The following NRXN3 variants were observed in gnomAD, a reference collection of about 807,000 sequenced individuals.
NRXN3 encodes neurexin III.
Under a neutral mutation model 137.6 loss-of-function variants are expected in NRXN3, and 32 were observed. The observed-to-expected ratio is 0.23, with a 90% CI of 0.18 to 0.31. The LOEUF (loss-of-function observed/expected upper bound fraction) is 0.31, where lower values mean the gene tolerates loss of function less well. NRXN3 is among the 10% of genes least tolerant of loss of function. The pLI, the probability that NRXN3 is intolerant of heterozygous loss-of-function variation, is 1.00. For synonymous variants in NRXN3, 798 were observed against 784.5 expected (o/e 1.02, Z -0.29); for missense variants, 1,574 against 2,062.5 (o/e 0.76, Z 4.59).
Position 78,434,625 on chromosome 14 carries a change from G to A in NRXN3, c.757+136765G>A, listed in dbSNP as rs141092358. 4.6e-3 allele frequency among the ~76,000 whole-genome samples: 704 copies of A among 152,274 alleles called. 5 individuals carry two copies. The highest frequency in any genetic ancestry group is 6.4e-3 in the African/African-American group (268 of 41,556). On this transcript the variant is annotated intron_variant, in intron 4 of 20. Coordinates refer to ENST00000335750, the MANE Select transcript of NRXN3 (RefSeq NM_001330195.2). ...TCAAAAGGGAGGGATTTGGACAAAG[G>A]TGAGGGTCATTGGAGGTCATTCTTA...
intron 4 of NRXN3, among the ~76,000 whole-genome samples, chr14:78,335,687 T>C (rs1204533051): frequency 6.6e-6 from 1 of 152,162 alleles, no homozygotes. Context: ...TTTAGTTTGC[T>C]GAGCATAAAG....
intron 15 of NRXN3, among the ~76,000 whole-genome samples, chr14:79,314,324 G>T (rs2087856532): frequency 1.1e-5 from 1 of 93,632 alleles, no homozygotes; most frequent in Non-Finnish European, 2.1e-5. Context: ...GGAAAATCGG[G>T]TCACTCCCAC....
At chr14:79,156,510 CA>C (rs1457131556) in intron 15 of NRXN3, among the ~76,000 whole-genome samples, 1 of 151,006 alleles carries the variant, frequency 6.6e-6, no homozygotes, top group Non-Finnish European at 1.5e-5. Context: ...AACAAATAAA[CA>C]AAAATAAACA....
At chr14:78,936,887 A>G (rs2152892846) in intron 10 of NRXN3, among the ~76,000 whole-genome samples, 1 of 152,212 alleles carries the variant, frequency 6.6e-6, no homozygotes. Context: ...AAGATGTAGG[A>G]TGGCTGGACT....
intron 15 of NRXN3, among the ~76,000 whole-genome samples, chr14:79,074,053 A>T (rs914607305): frequency 6.6e-6 from 1 of 152,226 alleles, no homozygotes; most frequent in Non-Finnish European, 1.5e-5. Flanking sequence ...CATTGTTCAC[A>T]TTATCTAACA....
chr14:78,320,357 C>A (rs953588516), intron 4 of NRXN3, among the ~76,000 whole-genome samples: 1 of 152,196 alleles, frequency 6.6e-6, no homozygotes, highest in Admixed American at 6.5e-5. Flanking sequence ...TTATTTATTT[C>A]ATCACTGGGG....
intron 15 of NRXN3, among the ~76,000 whole-genome samples, chr14:79,410,356 G>T (rs1185091581): frequency 6.6e-6 from 1 of 151,896 alleles, no homozygotes; most frequent in Non-Finnish European, 1.5e-5. Flanking sequence ...ACTCCATGAA[G>T]AACTGAATCA....
intron 4 of NRXN3, among the ~76,000 whole-genome samples, chr14:78,343,809 A>G (rs2082400426): frequency 6.6e-6 from 1 of 152,312 alleles, no homozygotes; most frequent in South Asian, 2.1e-4. Flanking sequence ...AAGTCTCCCA[A>G]CCAATTAATC....
intron 20 of NRXN3, among the ~76,000 whole-genome samples, chr14:79,815,486 A>G (rs916782880): frequency 6.6e-6 from 1 of 152,104 alleles, no homozygotes. Flanking sequence ...GGGTAAGGGG[A>G]AAAAGGCCAA....
intron 15 of NRXN3, among the ~76,000 whole-genome samples, chr14:79,288,234 G>A (rs966600104): frequency 6.6e-6 from 1 of 152,206 alleles, no homozygotes; most frequent in African/African-American, 2.4e-5. Context: ...GTGCAGTCAC[G>A]CTGAGATGGG....
rs75528009 is a variant in NRXN3, at chr14:78,264,997, A to G, written c.710-13648A>G. Among the ~76,000 whole-genome samples, 1,088 of 152,344 alleles carry G rather than the reference A, an allele frequency of 7.1e-3. 13 individuals carry two copies. Among genetic ancestry groups the G allele is most frequent in the African/African-American group, 0.025 (1,033 of 41,572 alleles). On this transcript the variant is annotated intron_variant, in intron 2 of 20. Coordinates refer to ENST00000335750, the MANE Select transcript of NRXN3 (RefSeq NM_001330195.2). ...CATGAGTGAGTGTCTGGGCTTAGAG[A>G]TAAATCTCCAAGTTCACACTGTTGT...
At chr14:78,994,243 A>G (rs186523672) in intron 15 of NRXN3, among the ~76,000 whole-genome samples, 21 of 152,282 alleles carry the variant, frequency 1.4e-4, no homozygotes, top group African/African-American at 5.1e-4. Context: ...CAAGCAGGGA[A>G]AATATATGCT....
At chr14:79,445,957 A>G (rs917127579) in intron 15 of NRXN3, among the ~76,000 whole-genome samples, 1 of 152,118 alleles carries the variant, frequency 6.6e-6, no homozygotes. Flanking sequence ...CTATGCTCCT[A>G]TTTTTAGGGG....
chr14:79,364,072 AT>A (rs2093785390), intron 15 of NRXN3, among the ~76,000 whole-genome samples: 1 of 152,194 alleles, frequency 6.6e-6, no homozygotes, highest in Non-Finnish European at 1.5e-5. Flanking sequence ...CTGTGGCCAT[AT>A]CTGTATGGCT....
intron 4 of NRXN3, among the ~76,000 whole-genome samples, chr14:78,461,386 G>A (rs1189871096): frequency 1.3e-5 from 2 of 152,014 alleles, no homozygotes; most frequent in African/African-American, 2.4e-5. Context: ...TGAGTGTCTT[G>A]GTGTCTTGGT....
At chr14:79,731,783 C>A (rs1306029354) in intron 19 of NRXN3, among the ~76,000 whole-genome samples, 1 of 151,566 alleles carries the variant, frequency 6.6e-6, no homozygotes, top group Non-Finnish European at 1.5e-5. Context: ...TGAGCCCACC[C>A]TCCTTCCTTC....
chr14:78,498,086 G>T (rs556249604), intron 4 of NRXN3, among the ~76,000 whole-genome samples: 1 of 152,132 alleles, frequency 6.6e-6, no homozygotes, highest in Non-Finnish European at 1.5e-5. Flanking sequence ...GGAGGCTGTA[G>T]GTGTGTCTCT....
chr14:79,478,403 G>C (rs2096578725), intron 16 of NRXN3, among the ~76,000 whole-genome samples: 1 of 151,900 alleles, frequency 6.6e-6, no homozygotes, highest in South Asian at 2.1e-4. Context: ...TCTGAAATCA[G>C]TTTACAGAGA....
intron 1 of NRXN3, among the ~76,000 whole-genome samples, chr14:78,207,098 A>C (rs1370889005): frequency 1.3e-5 from 2 of 152,042 alleles, no homozygotes; most frequent in African/African-American, 4.8e-5. Flanking sequence ...TCCTGACCTC[A>C]AGTGATCAGC....
Sources: gnomAD v4.1 joint callset for allele counts (sites outside exome capture counted in the v4.1 genomes callset) on GRCh38, gnomAD v4.1.1 for gene constraint, MANE v1.5 for transcripts, NCBI Gene and HGNC (gene_info 2026-07-23, HGNC 2026-07-21) for gene names.